ZBTB38: variants seen among roughly 807,000 people sequenced by gnomAD.
The protein encoded by ZBTB38 is zinc finger and BTB domain-containing protein 38.
In ZBTB38, 20 loss-of-function variants were observed where a neutral mutation model predicts 76.8. The ratio of observed to expected loss-of-function variants is 0.26; its 90% CI spans 0.18 to 0.38. The LOEUF (loss-of-function observed/expected upper bound fraction) is 0.38, where lower values mean the gene tolerates loss of function less well. Ranked by LOEUF, ZBTB38 falls within the 10% of genes least tolerant of loss-of-function variation. The probability of loss-of-function intolerance (pLI) is 1.00; values close to 1 mark genes in which losing one functional copy is unlikely to be tolerated. For missense variants in ZBTB38, 1,082 were observed against 1,482.3 expected, an observed-to-expected ratio of 0.73 and a Z score of 4.43; for synonymous variants, 504 against 544.2, an observed-to-expected ratio of 0.93 and a Z score of 1.03.
intron 5 of ZBTB38, among the ~76,000 whole-genome samples, chr3:141,417,830 C>T (rs1170097166): frequency 6.6e-6 from 1 of 152,068 alleles, no homozygotes; most frequent in African/African-American, 2.4e-5. Flanking sequence ...CCCTGACCAA[C>T]CTGGTGAAAC....
intron 5 of ZBTB38, among the ~76,000 whole-genome samples, chr3:141,421,127 A>G (rs2075262336): frequency 6.6e-6 from 1 of 152,052 alleles, no homozygotes; most frequent in East Asian, 1.9e-4. Context: ...CCAGAACTCC[A>G]TGATATGTAT....
intron 5 of ZBTB38, among the ~76,000 whole-genome samples, chr3:141,431,343 T>A (rs1334019831): frequency 5.1e-4 from 57 of 112,580 alleles, no homozygotes; most frequent in South Asian, 1.0e-3. Context: ...AAAAAAAAAA[T>A]ATATATATAT....
At chr3:141,325,392 A>C (rs575101886) in intron 1 of ZBTB38, among the ~76,000 whole-genome samples, 1 of 152,338 alleles carries the variant, frequency 6.6e-6, no homozygotes, top group African/African-American at 2.4e-5. Context: ...CCAGCAAGCC[A>C]ACTTTAAATG....
At chr3:141,330,200 C>T (rs1017573119) in intron 1 of ZBTB38, among the ~76,000 whole-genome samples, 1 of 152,112 alleles carries the variant, frequency 6.6e-6, no homozygotes, top group Non-Finnish European at 1.5e-5. Context: ...CCAGTGGCCT[C>T]AGGGAGTGTG....
chr3:141,349,173 T>A (rs1217090254), intron 1 of ZBTB38, among the ~76,000 whole-genome samples: 1 of 152,132 alleles, frequency 6.6e-6, no homozygotes, highest in Non-Finnish European at 1.5e-5. Flanking sequence ...GACTTGCTCT[T>A]CTCTCTAAAA....
chr3:141,360,552 T>G (rs1943789963), intron 1 of ZBTB38, among the ~76,000 whole-genome samples: 1 of 152,220 alleles, frequency 6.6e-6, no homozygotes, highest in Non-Finnish European at 1.5e-5. Context: ...TGAACATGTA[T>G]TATTTTTGAA....
chr3:141,443,921 G>A lies in ZBTB38; in HGVS notation c.1533G>A (p.Thr511=), dbSNP rs758336813. ...EYRTRHEIWH[T]GERRYQCIFC... ...GGACAAGGCATGAAATTTGGCATAC[G>A]GGAGAAAGACGATATCAGTGCATTT... The change falls in exon 6 of 6, where the codon ACG becomes ACA. Residue 511 remains threonine, a synonymous_variant. Transcript: ENST00000321464. The surrounding 1 kb of genome is among the most constrained non-coding windows in gnomAD (Gnocchi z 5.6). The A allele has an allele frequency of 3.2e-5, 51 of 1,613,980 alleles. No homozygotes were observed. Among genetic ancestry groups the A allele is most frequent in the African/African-American group, 8.0e-5 (6 of 74,916 alleles).
chr3:141,334,191 G>C (rs1464949104), intron 1 of ZBTB38, among the ~76,000 whole-genome samples: 1 of 146,700 alleles, frequency 6.8e-6, no homozygotes, highest in Non-Finnish European at 1.5e-5. Flanking sequence ...CATGTTTAAT[G>C]AAAAATCTTT....
intron 5 of ZBTB38, among the ~76,000 whole-genome samples, chr3:141,431,112 C>T (rs2077396978): frequency 6.6e-6 from 1 of 151,854 alleles, no homozygotes; most frequent in Non-Finnish European, 1.5e-5. Flanking sequence ...CATCTGAGGT[C>T]AGGAGCTTGA....
At chr3:141,330,466 G>A (rs1288775039) in intron 1 of ZBTB38, among the ~76,000 whole-genome samples, 2 of 152,322 alleles carry the variant, frequency 1.3e-5, no homozygotes, top group Admixed American at 6.5e-5. Flanking sequence ...CTTTTCTGAT[G>A]ATGTCATTCT....
chr3:141,412,627 C>T (rs992997292), intron 5 of ZBTB38, among the ~76,000 whole-genome samples: 1 of 152,150 alleles, frequency 6.6e-6, no homozygotes, highest in African/African-American at 2.4e-5. Context: ...ATTGCTCCTT[C>T]TGCTCAGATA....
At chr3:141,340,070 T>C (rs1943127643) in intron 1 of ZBTB38, among the ~76,000 whole-genome samples, 1 of 152,238 alleles carries the variant, frequency 6.6e-6, no homozygotes, top group Non-Finnish European at 1.5e-5. Context: ...GTCTTGACTT[T>C]TGTTATTGTT....
rs544401722 is a variant in ZBTB38 at position 141,351,845 on chromosome 3, G to C, written c.-738-16776G>C. Among the ~76,000 whole-genome samples the C allele has an allele frequency of 9.9e-5, 15 of 151,706 alleles. No individual in the cohort carries two copies. In the East Asian group the frequency reaches 1.6e-3, roughly 16 times the overall value. On this transcript the variant is annotated intron_variant, in intron 1 of 7. Transcript: ENST00000509842. ...ATCGTGATCTAACAATTCATTTATA[G>C]ATGAGTTAAGCTTATATTTTTGAGG...
At chr3:141,349,083 G>A (rs1433359180) in intron 1 of ZBTB38, among the ~76,000 whole-genome samples, 1 of 152,104 alleles carries the variant, frequency 6.6e-6, no homozygotes, top group Non-Finnish European at 1.5e-5. Context: ...CCCCAAAGGA[G>A]CACTTAGCCT....
intron 5 of ZBTB38, among the ~76,000 whole-genome samples, chr3:141,421,483 T>G (rs2075358480): frequency 6.6e-6 from 1 of 151,652 alleles, no homozygotes; most frequent in South Asian, 2.1e-4. Flanking sequence ...TTCTGTAGAG[T>G]TTTTTGGGTT....
At chr3:141,337,921 C>T (rs375038899) in intron 1 of ZBTB38, among the ~76,000 whole-genome samples, 27 of 152,254 alleles carry the variant, frequency 1.8e-4, no homozygotes, top group African/African-American at 6.3e-4. Context: ...ATAATTATCA[C>T]TAATTTATTT....
intron 1 of ZBTB38, among the ~76,000 whole-genome samples, chr3:141,360,654 G>T (rs1378356220): frequency 6.6e-6 from 1 of 152,280 alleles, no homozygotes; most frequent in South Asian, 2.1e-4. Flanking sequence ...GTAAGTCCCT[G>T]GGCAGGTCCC....
intron 1 of ZBTB38, among the ~76,000 whole-genome samples, chr3:141,346,434 C>T (rs1310696402): frequency 1.3e-5 from 2 of 152,148 alleles, no homozygotes; most frequent in Non-Finnish European, 2.9e-5. Context: ...TTTATCCCAC[C>T]CTTTCTCCTT....
intron 3 of ZBTB38, chr3:141,383,787 A>G (rs1299275857): frequency 6.6e-6 from 1 of 152,186 alleles, no homozygotes; most frequent in Non-Finnish European, 1.5e-5. Context: ...CTGCCAGATT[A>G]TTTCGGGTTC....
Sources: allele counts gnomAD v4.1 joint callset (sites outside exome capture counted in the v4.1 genomes callset), GRCh38; gene constraint gnomAD v4.1.1; non-coding constraint Gnocchi (gnomAD v3.1); transcripts MANE v1.5; gene names NCBI Gene and HGNC (gene_info 2026-07-23, HGNC 2026-07-21).